Variants in NBEA observed in about 807,000 individuals in gnomAD.
NBEA encodes neurobeachin, also known as lysosomal-trafficking regulator 2.
A neutral mutation model predicts 343.4 loss-of-function variants in NBEA; 44 were observed. The ratio of observed to expected loss-of-function variants is 0.13; its 90% CI spans 0.10 to 0.16. The LOEUF (loss-of-function observed/expected upper bound fraction) is 0.16. NBEA is among the 10% of genes least tolerant of loss of function. The pLI is 1.00. For synonymous variants in NBEA, 1,175 were observed against 1,238.7 expected (o/e 0.95, Z 1.08); for missense variants, 2,555 against 3,631.3 (o/e 0.70, Z 7.62).
At position 35,583,879 on chromosome 13, in the gene NBEA, A is replaced by AT. The variant is rs762925232; in HGVS notation, c.7036-11dup. On this transcript the variant is annotated intron_variant, in intron 45 of 58. Coordinates refer to ENST00000379939, the MANE Select transcript of NBEA (RefSeq NM_001385012.1). ...CTAATATGACTGTATTAAACAAAATATTTTTTTTCTTTTAATAGCCAATTG... is the reference window on the plus strand; with the variant it reads ...CTAATATGACTGTATTAAACAAAATATTTTTTTTTCTTTTAATAGCCAATTG... The AT allele has an allele frequency of 1.0e-5, 16 of 1,591,242 alleles. No individual in the cohort carries two copies. Among genetic ancestry groups the AT allele is most frequent in the East Asian group, 4.5e-5 (2 of 44,716 alleles).
chr13:35,074,177 G>A (rs760278058), intron 10 of NBEA, among the ~76,000 whole-genome samples: 1 of 152,068 alleles, frequency 6.6e-6, no homozygotes, highest in African/African-American at 2.4e-5. Context: ...AAACTCTGAA[G>A]TAATATAGCT....
chr13:35,297,862 G>A (rs1341237876), intron 35 of NBEA, among the ~76,000 whole-genome samples: 1 of 151,594 alleles, frequency 6.6e-6, no homozygotes, highest in Non-Finnish European at 1.5e-5. Context: ...TGTAAAATGT[G>A]CCATTTTTAC....
intron 41 of NBEA, among the ~76,000 whole-genome samples, chr13:35,528,936 C>T (rs1334898839): frequency 6.6e-6 from 1 of 152,052 alleles, no homozygotes; most frequent in East Asian, 1.9e-4. Context: ...AGTATCCAGC[C>T]CCATATGCTA....
At chr13:35,344,083 G>T (rs1392202626) in intron 36 of NBEA, among the ~76,000 whole-genome samples, 1 of 151,958 alleles carries the variant, frequency 6.6e-6, no homozygotes, top group African/African-American at 2.4e-5. Context: ...TCAATACCAT[G>T]ATATCTGACC....
At position 35,655,520 on chromosome 13, in the gene NBEA, C is replaced by G. The variant is rs910675239; in HGVS notation, c.8192-59C>G. ...TTTTAAAAAATCTGATAAAGTTACA[C>G]TTATTACCATTTGAAGAAAAAGACT... On this transcript the variant is annotated intron_variant, in intron 54 of 58. Coordinates refer to ENST00000379939, the MANE Select transcript of NBEA (RefSeq NM_001385012.1). The G allele has an allele frequency of 2.6e-6, 4 of 1,515,196 alleles. No homozygotes were observed. The South Asian group carries it at 5.0e-5, about 19-fold the overall frequency. 93.9% of individuals were successfully genotyped at this position (1,515,196 alleles called of 1,614,324 possible).
At chr13:35,057,838 G>A (rs1435659506) in intron 7 of NBEA, among the ~76,000 whole-genome samples, 4 of 152,226 alleles carry the variant, frequency 2.6e-5, no homozygotes, top group Admixed American at 2.0e-4. Flanking sequence ...CATTCTTTAT[G>A]CAGTTAAAGT....
At chr13:35,247,374 TC>T (rs2031365556) in intron 34 of NBEA, among the ~76,000 whole-genome samples, 1 of 152,114 alleles carries the variant, frequency 6.6e-6, no homozygotes, top group African/African-American at 2.4e-5. Flanking sequence ...TTTTCCCAGT[TC>T]CTCTGGCAGC....
chr13:35,219,816 G>A (rs1038148275), intron 33 of NBEA, among the ~76,000 whole-genome samples: 2 of 152,130 alleles, frequency 1.3e-5, no homozygotes, highest in Non-Finnish European at 2.9e-5. Context: ...CATTCAGGCA[G>A]AAGGAGTTTG....
At chr13:35,434,922 G>C (rs1051769602) in intron 39 of NBEA, among the ~76,000 whole-genome samples, 1 of 152,126 alleles carries the variant, frequency 6.6e-6, no homozygotes, top group South Asian at 2.1e-4. Flanking sequence ...AACAGATTTT[G>C]TACTGCCAAG....
chr13:35,591,799 G>T (rs1365601446), intron 46 of NBEA, among the ~76,000 whole-genome samples: 3 of 151,962 alleles, frequency 2.0e-5, no homozygotes, highest in Non-Finnish European at 2.9e-5. Context: ...TACATACAAA[G>T]GAATTGTAAA....
chr13:34,986,982 TTTTAACTGGGGCA>T (rs1438840566), intron 1 of NBEA, among the ~76,000 whole-genome samples: 1 of 151,032 alleles, frequency 6.6e-6, no homozygotes, highest in East Asian at 1.9e-4. Context: ...AGTCTGTGTC[TTTTAACTGGGGCA>T]TTTAGTCCAT....
chr13:35,008,359 A>C (rs951893462), intron 1 of NBEA, among the ~76,000 whole-genome samples: 8 of 152,198 alleles, frequency 5.3e-5, no homozygotes, highest in African/African-American at 1.9e-4. Context: ...TAATATTTAC[A>C]TATAACCTAT....
intron 1 of NBEA, among the ~76,000 whole-genome samples, chr13:35,016,628 T>G (rs538551392): frequency 5.9e-5 from 9 of 151,928 alleles, no homozygotes; most frequent in Admixed American, 4.6e-4. Context: ...ACACATTTAT[T>G]TATTTTAATT....
chr13:35,457,523 C>T (rs1053717320), intron 40 of NBEA, among the ~76,000 whole-genome samples: 1 of 152,212 alleles, frequency 6.6e-6, no homozygotes, highest in Non-Finnish European at 1.5e-5. Context: ...ACATTGCATA[C>T]AAATGGAATC....
At chr13:35,515,189 A>G (rs1229174061) in intron 41 of NBEA, among the ~76,000 whole-genome samples, 1 of 152,210 alleles carries the variant, frequency 6.6e-6, no homozygotes, top group Non-Finnish European at 1.5e-5. Context: ...GGGTGTCATT[A>G]TTACCTTCAT....
chr13:35,552,377 A>G (rs1042666319), intron 43 of NBEA, among the ~76,000 whole-genome samples: 3 of 152,184 alleles, frequency 2.0e-5, no homozygotes, highest in Non-Finnish European at 4.4e-5. Flanking sequence ...ACTGACACGT[A>G]TACACATGCT....
intron 38 of NBEA, among the ~76,000 whole-genome samples, chr13:35,419,109 G>C (rs1160457659): frequency 2.0e-5 from 3 of 151,940 alleles, no homozygotes; most frequent in Non-Finnish European, 4.4e-5. Context: ...TCCACTTATG[G>C]CATCATGTCA....
intron 38 of NBEA, among the ~76,000 whole-genome samples, chr13:35,413,553 T>C (rs1443693482): frequency 6.6e-6 from 1 of 152,108 alleles, no homozygotes; most frequent in Non-Finnish European, 1.5e-5. Context: ...ATCAAGTACA[T>C]GCTCATAAGC....
rs1327048642 is a variant in NBEA at position 35,159,790 on chromosome 13, G to A, written c.3619G>A (p.Glu1207Lys). The change falls in exon 22 of 59, where the codon GAA (glutamate) becomes AAA (lysine). Residue 1207 changes from glutamate (E) to lysine (K), a missense_variant. Physicochemically the swap from Glu to Lys is moderately conservative, Grantham distance 56 (BLOSUM62 1). Around this residue, in one of 21 missense-constraint regions of NBEA, gnomAD observed 367 missense variants for 377.5 expected, o/e 0.97. Coordinates refer to ENST00000379939, the MANE Select transcript of NBEA (RefSeq NM_001385012.1). ...TCTSSIIEEKEFKIHTTSDGM... is the reference protein window; with the variant it reads ...TCTSSIIEEKKFKIHTTSDGM... The stretch of plus-strand genomic sequence containing the variant: ...TACATCCAGTATAATAGAAGAAAAA[G>A]AATTCAAAATCCATACAACTTCAGA... 2.5e-6 allele frequency: 4 copies of A among 1,612,238 alleles called. No individual in the cohort carries two copies. In the South Asian group the frequency reaches 3.3e-5, roughly 13 times the overall value.
Sources: allele counts gnomAD v4.1 joint callset (sites outside exome capture counted in the v4.1 genomes callset), GRCh38; gene constraint gnomAD v4.1.1; regional missense constraint gnomAD v4.1.1; transcripts MANE v1.5; gene names NCBI Gene and HGNC (gene_info 2026-07-23, HGNC 2026-07-21).